DYRK1A: variants seen among roughly 807,000 people sequenced by gnomAD.
DYRK1A encodes dual specificity tyrosine phosphorylation regulated kinase 1A, also known as dual specificity tyrosine-phosphorylation-regulated kinase 1A.
A neutral mutation model predicts 79.7 loss-of-function variants in DYRK1A; 9 were observed. The ratio of observed to expected loss-of-function variants is 0.11; its 90% confidence interval spans 0.07 to 0.20. The LOEUF is 0.20. Ranked by LOEUF, DYRK1A falls within the 10% of genes least tolerant of loss-of-function variation. DYRK1A has a pLI of 1.00. For synonymous variants in DYRK1A, 349 were observed against 329.7 expected (o/e 1.06, Z -0.63); for missense variants, 622 against 956.0 (o/e 0.65, Z 4.61).
At chr21:37,436,489 C>A (rs2050928102) in intron 2 of DYRK1A, among the ~76,000 whole-genome samples, 1 of 152,088 alleles carries the variant, frequency 6.6e-6, no homozygotes, top group South Asian at 2.1e-4. Flanking sequence ...GCAGGGCTGT[C>A]CACTTTTTGT....
chr21:37,484,993 T>C (rs1224310687), intron 5 of DYRK1A, among the ~76,000 whole-genome samples: 3 of 152,198 alleles, frequency 2.0e-5, no homozygotes, highest in Non-Finnish European at 1.5e-5. Context: ...CAGGTTATTG[T>C]CAAATAAGGG....
Position 37,416,281 on chromosome 21 carries a change from C to T in DYRK1A, c.-76-4018C>T, listed in dbSNP as rs185039689. Reference sequence around the variant, plus strand: ...TGTAGTTTTACTAACCATTTTGGTGCAATATTATATTCTTTATAAAGTCTT... The same window carrying T: ...TGTAGTTTTACTAACCATTTTGGTGTAATATTATATTCTTTATAAAGTCTT... On this transcript the variant is annotated intron_variant, in intron 1 of 11. Transcript: ENST00000647188. 2.8e-5 allele frequency among the ~76,000 whole-genome samples: 4 copies of T among 141,152 alleles called. No homozygotes were observed. The East Asian group carries it at 8.7e-4, about 31-fold the overall frequency. The allele number at this position is 141,152 out of a possible 152,430, so 92.6% of individuals were successfully genotyped here.
chr21:37,422,546 G>A (rs945977723), intron 2 of DYRK1A, among the ~76,000 whole-genome samples: 1 of 152,138 alleles, frequency 6.6e-6, no homozygotes, highest in Non-Finnish European at 1.5e-5. Flanking sequence ...GTTAGATGTG[G>A]TAACTTACTC....
At chr21:37,384,596 T>A (rs1386885381) in intron 1 of DYRK1A, among the ~76,000 whole-genome samples, 3 of 152,176 alleles carry the variant, frequency 2.0e-5, no homozygotes, top group Non-Finnish European at 2.9e-5. Flanking sequence ...CAGATCCCAA[T>A]ATTAATCATG....
intron 1 of DYRK1A, among the ~76,000 whole-genome samples, chr21:37,398,085 A>G (rs1343367963): frequency 6.8e-6 from 1 of 146,996 alleles, no homozygotes; most frequent in Non-Finnish European, 1.5e-5. Context: ...AAATATATAT[A>G]TATATTTATA....
At chr21:37,411,919 T>TC (rs2050252971) in intron 1 of DYRK1A, among the ~76,000 whole-genome samples, 1 of 152,170 alleles carries the variant, frequency 6.6e-6, no homozygotes. Context: ...ACCCACTTTT[T>TC]CTACATGAAG....
At chr21:37,427,796 T>G (rs1484702413) in intron 2 of DYRK1A, among the ~76,000 whole-genome samples, 2 of 152,182 alleles carry the variant, frequency 1.3e-5, no homozygotes, top group African/African-American at 4.8e-5. Flanking sequence ...TGTTTGCCAA[T>G]TCAATAGACA....
At chr21:37,468,576 T>A (rs1162522610) in intron 2 of DYRK1A, among the ~76,000 whole-genome samples, 1 of 152,064 alleles carries the variant, frequency 6.6e-6, no homozygotes, top group African/African-American at 2.4e-5. Flanking sequence ...TAAAGGGAAA[T>A]GTGATTTATG....
At chr21:37,404,587 C>T (rs1199453529) in intron 1 of DYRK1A, among the ~76,000 whole-genome samples, 1 of 152,200 alleles carries the variant, frequency 6.6e-6, no homozygotes, top group Non-Finnish European at 1.5e-5. Context: ...CACATCTCAG[C>T]ATGCCCGCCA....
rs549835938 is a variant in DYRK1A, at chr21:37,520,334, A to G, written c.*7803A>G. On this transcript the variant is annotated 3_prime_UTR_variant, in exon 12 of 12. Transcript: ENST00000647188. ...AATCAGCTCTTAAGTTTATAAATAA[A>G]ACAGGGATATTATCGGGGAAGCTTT... is the stretch of plus-strand genomic sequence containing the variant. 17 of 152,324 alleles carry G rather than the reference A, an allele frequency of 1.1e-4. No individual in the cohort carries two copies. The highest frequency in any genetic ancestry group is 3.8e-4 in the African/African-American group (16 of 41,578). 9.4% of individuals were successfully genotyped at this position (152,324 alleles called of 1,614,324 possible).
intron 1 of DYRK1A, among the ~76,000 whole-genome samples, chr21:37,384,347 TCAGAGTTTA>T (rs2049718225): frequency 2.0e-5 from 3 of 152,106 alleles, no homozygotes; most frequent in Admixed American, 6.5e-5. Flanking sequence ...AGAAAAAATC[TCAGAGTTTA>T]CAGAGGGCTG....
chr21:37,399,537 A>G (rs2050017036), intron 1 of DYRK1A, among the ~76,000 whole-genome samples: 1 of 152,176 alleles, frequency 6.6e-6, no homozygotes, highest in African/African-American at 2.4e-5. Flanking sequence ...AAAAAGACAA[A>G]TACAGTTTGT....
chr21:37,391,626 C>T (rs1242429734), intron 1 of DYRK1A, among the ~76,000 whole-genome samples: 1 of 152,190 alleles, frequency 6.6e-6, no homozygotes, highest in East Asian at 1.9e-4. Context: ...TGCTCTGTTC[C>T]TGATTGGGCT....
chr21:37,402,767 T>G (rs528303974), intron 1 of DYRK1A, among the ~76,000 whole-genome samples: 1 of 152,212 alleles, frequency 6.6e-6, no homozygotes, highest in Admixed American at 6.5e-5. Context: ...TCTTTCCCTT[T>G]CCTTTTCTTT....
chr21:37,486,317 A>G (rs539145274), intron 5 of DYRK1A, 150 bp from the exon 6 acceptor site: 12 of 474,338 alleles, frequency 2.5e-5, no homozygotes, highest in East Asian at 7.1e-5. Flanking sequence ...ATAGAAATAG[A>G]TGGCATCTCT....
chr21:37,423,906 G>A lies in DYRK1A; in HGVS notation c.10+3522G>A, dbSNP rs542248348. On this transcript the variant is annotated intron_variant, in intron 2 of 11. Transcript: ENST00000647188. Reference sequence around the variant, plus strand: ...TATATGAATTTAAGTACTTAAAACCGTTTGTGGCAGAGTTTTAATTTTGGA... The same window carrying A: ...TATATGAATTTAAGTACTTAAAACCATTTGTGGCAGAGTTTTAATTTTGGA... 1.1e-4 allele frequency among the ~76,000 whole-genome samples: 16 copies of A among 152,062 alleles called. No individual in the cohort carries two copies. In the South Asian group the frequency reaches 2.3e-3, roughly 22 times the overall value.
rs724671 is a variant in DYRK1A, at chr21:37,521,300, C to T, written c.*8769C>T. On this transcript the variant is annotated 3_prime_UTR_variant, in exon 12 of 12. Coordinates refer to ENST00000647188, the MANE Select transcript of DYRK1A (RefSeq NM_001347721.2). ...GTGAACTTGAAATATCTCCCCTACT[C>T]CCTGCAGAGACACTCTGAATCAAAG... The T allele has an allele frequency of 0.46, 70,490 of 152,038 alleles. 16,813 individuals carry two copies. The highest frequency in any genetic ancestry group is 0.57 in the African/African-American group (23,631 of 41,468). 9.4% of individuals were successfully genotyped at this position (152,038 alleles called of 1,614,324 possible). A position where few individuals can be genotyped will look rare whatever the true frequency, so the allele number is the denominator to read the frequency against.
intron 1 of DYRK1A, among the ~76,000 whole-genome samples, chr21:37,411,085 T>A (rs1338828788): frequency 9.1e-6 from 1 of 109,548 alleles, no homozygotes; most frequent in African/African-American, 3.5e-5. Flanking sequence ...AGCCCAGGCG[T>A]GGTGGCTCAC....
intron 2 of DYRK1A, among the ~76,000 whole-genome samples, chr21:37,432,874 G>T (rs1355043997): frequency 6.6e-6 from 1 of 151,618 alleles, no homozygotes; most frequent in Non-Finnish European, 1.5e-5. Flanking sequence ...TACTCAGGAG[G>T]CTGAGGCAGG....
Sources: allele counts gnomAD v4.1 joint callset (sites outside exome capture counted in the v4.1 genomes callset), GRCh38; gene constraint gnomAD v4.1.1; transcripts MANE v1.5; gene names NCBI Gene and HGNC (gene_info 2026-07-23, HGNC 2026-07-21).